The following ZNF469 variants were observed in gnomAD, a reference collection of about 807,000 sequenced individuals.
The protein encoded by ZNF469 is zinc finger protein 469.
Under a neutral mutation model 1.0 loss-of-function variants are expected in ZNF469, and 1 was observed. That is an observed-to-expected ratio of 1.00 (90% CI 0.35 to 4.73). The LOEUF is 4.73. ZNF469 is among the 30% of genes most tolerant of loss of function. The pLI, the probability that ZNF469 is intolerant of heterozygous loss-of-function variation, is 0.16. For synonymous variants in ZNF469, 2,703 were observed against 2,363.4 expected, an observed-to-expected ratio of 1.14 and a Z score of -4.17; for missense variants, 6,100 against 5,356.3, an observed-to-expected ratio of 1.14 and a Z score of -4.33.
the ZNF469 span, among the ~76,000 whole-genome samples, chr16:88,375,294 C>G: frequency 6.6e-6 from 1 of 152,240 alleles, no homozygotes; most frequent in Non-Finnish European, 1.5e-5. Flanking sequence ...TCTCTCAGCA[C>G]AAGGATGGGG....
rs1413944952 is a variant in ZNF469 at position 88,434,636 on chromosome 16, G to C, written c.7166G>C (p.Gly2389Ala). Residue 2389 changes from glycine (G) to alanine (A), a missense_variant, in exon 3 of 3, where the codon GGT (glycine) becomes GCT (alanine). Coordinates refer to ENST00000565624, the MANE Select transcript of ZNF469 (RefSeq NM_001367624.2). ...GGGACCCCTGAGACCGGGCGCTCTG[G>C]TGCTACCAAGATGCCCAGGGTCACC... is the stretch of plus-strand genomic sequence containing the variant. ...DPGTPETGRS[G>A]ATKMPRVTCP... is the part of the protein sequence containing the mutation. 1.3e-6 allele frequency: 2 copies of C among 1,550,166 alleles called. No homozygotes were observed. Among genetic ancestry groups the C allele is most frequent in the Non-Finnish European group, 1.7e-6 (2 of 1,146,936 alleles).
the ZNF469 span, among the ~76,000 whole-genome samples, chr16:88,235,486 A>ACGC: frequency 6.6e-6 from 1 of 152,240 alleles, no homozygotes; most frequent in African/African-American, 2.4e-5. Context: ...AAACCTCTCC[A>ACGC]CGCCAGACCA....
chr16:88,225,443 G>T, the ZNF469 span, among the ~76,000 whole-genome samples: 18 of 152,336 alleles, frequency 1.2e-4, no homozygotes, highest in East Asian at 3.5e-3. Flanking sequence ...ATCGCCAGAA[G>T]GGAAATCGGT....
At chr16:88,172,501 C>G in the ZNF469 span, among the ~76,000 whole-genome samples, 1 of 152,314 alleles carries the variant, frequency 6.6e-6, no homozygotes, top group South Asian at 2.1e-4. Context: ...CAAATAACTT[C>G]ATTGCACATA....
chr16:88,130,654 C>T, the ZNF469 span, among the ~76,000 whole-genome samples: 27 of 149,638 alleles, frequency 1.8e-4, no homozygotes, highest in Non-Finnish European at 3.5e-4. Context: ...TGCAGTGAGC[C>T]GAGATCGCGC....
the ZNF469 span, among the ~76,000 whole-genome samples, chr16:88,146,207 G>A: frequency 5.3e-5 from 8 of 152,226 alleles, no homozygotes; most frequent in African/African-American, 1.9e-4. Context: ...CCGGGCCCAG[G>A]TGACTAGACT....
chr16:88,349,701 A>C, the ZNF469 span, among the ~76,000 whole-genome samples: 6 of 66,682 alleles, frequency 9.0e-5, no homozygotes, highest in Non-Finnish European at 2.0e-4. Flanking sequence ...CACAATACAC[A>C]CACCACACAA....
chr16:88,222,379 C>T, the ZNF469 span, among the ~76,000 whole-genome samples: 1 of 152,160 alleles, frequency 6.6e-6, no homozygotes, highest in African/African-American at 2.4e-5. Context: ...GCCTCAACCT[C>T]CTGGGCTCAA....
chr16:88,374,478 TG>T, the ZNF469 span, among the ~76,000 whole-genome samples: 5 of 152,100 alleles, frequency 3.3e-5, no homozygotes, highest in Non-Finnish European at 7.4e-5. Flanking sequence ...GGAACATAGC[TG>T]GGGGCCCCGA....
the ZNF469 span, among the ~76,000 whole-genome samples, chr16:88,314,064 C>T: frequency 1.3e-4 from 18 of 140,988 alleles, no homozygotes; most frequent in South Asian, 4.1e-3. Flanking sequence ...TAAGATGATG[C>T]TGGTGTAGAA....
the ZNF469 span, among the ~76,000 whole-genome samples, chr16:88,103,062 A>G: frequency 0.73 from 110,639 of 152,274 alleles, 40,287 homozygotes; most frequent in Middle Eastern, 0.85. Flanking sequence ...AACACCAAGA[A>G]TGGGGCCGTC....
At chr16:88,388,524 A>T (rs1485847547) in intron 1 of ZNF469, among the ~76,000 whole-genome samples, 2 of 152,220 alleles carry the variant, frequency 1.3e-5, no homozygotes, top group African/African-American at 4.8e-5. Flanking sequence ...CTGCGTCTCC[A>T]GGCCTGGATG....
At chr16:88,235,694 C>T in the ZNF469 span, among the ~76,000 whole-genome samples, 2 of 152,220 alleles carry the variant, frequency 1.3e-5, no homozygotes, top group Non-Finnish European at 2.9e-5. Flanking sequence ...AACCGTGGTT[C>T]CCCATGAGGA....
At chr16:88,319,794 A>G in the ZNF469 span, among the ~76,000 whole-genome samples, 75,049 of 152,136 alleles carry the variant, frequency 0.49, 18,770 homozygotes, top group Middle Eastern at 0.56. Context: ...TCGCAGCTAG[A>G]GGACTCCCCT....
the ZNF469 span, among the ~76,000 whole-genome samples, chr16:88,360,353 C>T: frequency 6.6e-5 from 10 of 152,182 alleles, no homozygotes; most frequent in South Asian, 2.1e-4. Flanking sequence ...TTACATGCAA[C>T]GAAATGTACA....
the ZNF469 span, among the ~76,000 whole-genome samples, chr16:88,176,913 T>C: frequency 2.9e-4 from 44 of 152,214 alleles, no homozygotes; most frequent in African/African-American, 1.0e-3. Flanking sequence ...GATTCTTCCA[T>C]CCCACCTTGA....
chr16:88,381,077 C>T (rs370266587), upstream of ZNF469, among the ~76,000 whole-genome samples: 542 of 148,554 alleles, frequency 3.6e-3, 8 homozygotes, highest in African/African-American at 0.013. Context: ...CAGGCATGCA[C>T]TCACACACGC....
At chr16:88,114,723 G>A in the ZNF469 span, among the ~76,000 whole-genome samples, 1 of 152,238 alleles carries the variant, frequency 6.6e-6, no homozygotes, top group South Asian at 2.1e-4. Context: ...ATGCAGCTGT[G>A]TGTGCGGTGA....
In ZNF469 at chr16:88,437,156, A is replaced by G. The variant is rs1412164894; in HGVS notation, c.9686A>G (p.Asn3229Ser). ...AGCAGCGCTGTCGCCCACCTTCTGA[A>G]CAGCATCACGGAACCCGCGCCCAAA... ...EGSSAVAHLL[N>S]SITEPAPKHH... The change falls in exon 3 of 3, where the codon AAC becomes AGC. Residue 3229 changes from asparagine to serine, a missense_variant. By Grantham distance (46) the Asn-to-Ser change is conservative. Coordinates refer to ENST00000565624, the MANE Select transcript of ZNF469 (RefSeq NM_001367624.2). 7.7e-6 allele frequency: 12 copies of G among 1,549,252 alleles called. No individual in the cohort carries two copies. The highest frequency in any genetic ancestry group is 1.0e-5 in the Non-Finnish European group (12 of 1,146,580).
Sources: gnomAD v4.1 joint callset for allele counts (sites outside exome capture counted in the v4.1 genomes callset) on GRCh38, gnomAD v4.1.1 for gene constraint, MANE v1.5 for transcripts, NCBI Gene and HGNC (gene_info 2026-07-23, HGNC 2026-07-21) for gene names.